Variants in ZNF512 observed in about 807,000 individuals in gnomAD.
ZNF512 encodes the protein zinc finger protein 512.
Under a neutral mutation model 77.5 loss-of-function variants are expected in ZNF512, and 25 were observed. That is an observed-to-expected ratio of 0.32 (90% CI 0.23 to 0.45). The LOEUF (loss-of-function observed/expected upper bound fraction) is 0.45. Ranked by LOEUF, ZNF512 falls within the 20% of genes least tolerant of loss-of-function variation. ZNF512 has a pLI of 1.00. For synonymous variants in ZNF512, 246 were observed against 239.9 expected (o/e 1.03, Z -0.24); for missense variants, 483 against 692.6 (o/e 0.70, Z 3.40).
chr2:27,615,059 GA>G (rs2148043083), intron 10 of ZNF512, 108 bp from the exon 11 acceptor site: 1 of 661,310 alleles, frequency 1.5e-6, no homozygotes, highest in Non-Finnish European at 2.6e-6. Flanking sequence ...TTGTGTACAA[GA>G]GTATAGATTT....
At chr2:27,610,463 T>C (rs577181621) in intron 10 of ZNF512, among the ~76,000 whole-genome samples, 3,576 of 86,264 alleles carry the variant, frequency 0.041, 181 homozygotes, top group African/African-American at 0.17. Context: ...AAATAGGTTA[T>C]ATATGTGTAT....
intron 9 of ZNF512, 127 bp downstream of exon 9, chr2:27,603,434 G>A: frequency 1.0e-6 from 1 of 969,676 alleles, no homozygotes. Context: ...ATGCTTGTGT[G>A]TTGTCTCTTC....
intron 13 of ZNF512, among the ~76,000 whole-genome samples, chr2:27,619,578 G>A (rs1673035564): frequency 6.6e-6 from 1 of 151,430 alleles, no homozygotes; most frequent in Non-Finnish European, 1.5e-5. Flanking sequence ...TTTTGTGGGT[G>A]GTAAAACATC....
Position 27,607,943 on chromosome 2 carries a change from A to G in ZNF512, c.1035A>G (p.Ile345Met), listed in dbSNP as rs775810452. Reference protein sequence around the residue: ...GGRVQRRSAKIAVYHLQELAS... With the variant: ...GGRVQRRSAKMAVYHLQELAS... ...GAGTTCAGAGACGTTCTGCCAAGAT[A>G]GCTGTATACCACCTACAGGAGCTGG... Residue 345 changes from isoleucine (I) to methionine (M), a missense_variant, in exon 10 of 14, where the codon ATA becomes ATG. Around this residue, in one of 2 missense-constraint regions of ZNF512, gnomAD observed 324 missense variants for 525.0 expected, o/e 0.62. Coordinates refer to ENST00000355467, the MANE Select transcript of ZNF512 (RefSeq NM_032434.4). 6.2e-7 allele frequency: 1 copy of G among 1,614,136 alleles called. No individual in the cohort carries two copies. The highest frequency in any genetic ancestry group is 1.7e-5 in the Admixed American group (1 of 60,016).
intron 9 of ZNF512, among the ~76,000 whole-genome samples, chr2:27,606,365 T>A (rs539041535): frequency 1.3e-5 from 2 of 152,046 alleles, no homozygotes; most frequent in African/African-American, 2.4e-5. Flanking sequence ...TAATTTTCTT[T>A]CTTTTTTTTT....
At chr2:27,595,717 T>C (rs1420959792) in intron 2 of ZNF512, among the ~76,000 whole-genome samples, 1 of 152,246 alleles carries the variant, frequency 6.6e-6, no homozygotes, top group Non-Finnish European at 1.5e-5. Context: ...GATGAGTTTT[T>C]ATTTCAGATG....
At chr2:27,615,409 C>T in intron 11 of ZNF512, 140 bp downstream of exon 11, 3 of 544,048 alleles carry the variant, frequency 5.5e-6, no homozygotes, top group African/African-American at 3.9e-5. Context: ...TTCCATAGAG[C>T]AATAATTCTG....
chr2:27,598,411 C>T (rs1671967176), intron 3 of ZNF512, among the ~76,000 whole-genome samples, 157 bp downstream of exon 3: 1 of 152,128 alleles, frequency 6.6e-6, no homozygotes, highest in African/African-American at 2.4e-5. Flanking sequence ...GGGCGGATCA[C>T]AAGGTCAGGA....
intron 9 of ZNF512, among the ~76,000 whole-genome samples, chr2:27,606,347 T>C (rs752025428): frequency 2.6e-5 from 4 of 152,060 alleles, no homozygotes; most frequent in Non-Finnish European, 4.4e-5. Context: ...TTTGCTTAAC[T>C]CAATGTATAA....
At chr2:27,589,196 T>G (rs1671466673) in intron 2 of ZNF512, among the ~76,000 whole-genome samples, 1 of 152,194 alleles carries the variant, frequency 6.6e-6, no homozygotes. Flanking sequence ...TGATCTTGTT[T>G]TAAACCTATT....
At chr2:27,585,045 G>A (rs1671269410) in intron 2 of ZNF512, among the ~76,000 whole-genome samples, 1 of 152,218 alleles carries the variant, frequency 6.6e-6, no homozygotes, top group Non-Finnish European at 1.5e-5. Flanking sequence ...GTAGCCTATG[G>A]TGGGAACAAT....
intron 2 of ZNF512, among the ~76,000 whole-genome samples, chr2:27,585,386 A>C (rs1000131716): frequency 6.6e-6 from 1 of 152,250 alleles, no homozygotes; most frequent in South Asian, 2.1e-4. Context: ...AATGTTTCTC[A>C]GTATGTACCT....
intron 2 of ZNF512, among the ~76,000 whole-genome samples, chr2:27,595,190 C>T (rs946224854): frequency 3.3e-5 from 5 of 152,082 alleles, no homozygotes; most frequent in African/African-American, 1.2e-4. Flanking sequence ...TCGCCTCTCC[C>T]TCTGGGATTA....
intron 10 of ZNF512, 70 bp from the exon 11 acceptor site, chr2:27,615,098 T>C: frequency 1.2e-6 from 1 of 855,346 alleles, no homozygotes; most frequent in Non-Finnish European, 1.9e-6. Context: ...AAGAGTTGGG[T>C]GTGAAACTTT....
At chr2:27,597,101 A>G (rs1409060040) in intron 2 of ZNF512, among the ~76,000 whole-genome samples, 3 of 152,340 alleles carry the variant, frequency 2.0e-5, no homozygotes, top group Middle Eastern at 3.4e-3. Flanking sequence ...GTAGGCATCT[A>G]TCACATTTTG....
chr2:27,619,806 A>C (rs1280343573), intron 13 of ZNF512, among the ~76,000 whole-genome samples: 2 of 152,286 alleles, frequency 1.3e-5, no homozygotes, highest in Admixed American at 6.5e-5. Flanking sequence ...ATTCCACATA[A>C]AATTTCAGCT....
At chr2:27,602,654 C>T in intron 8 of ZNF512, 93 bp downstream of exon 8, 1 of 1,047,056 alleles carries the variant, frequency 9.6e-7, no homozygotes. Flanking sequence ...TCATTGTAGA[C>T]TTCCTAGTTC....
chr2:27,618,024 C>T (rs1372052356), intron 13 of ZNF512, among the ~76,000 whole-genome samples: 11 of 150,892 alleles, frequency 7.3e-5, no homozygotes, highest in South Asian at 4.2e-4. Context: ...CTCCACCTCT[C>T]GGGTTCAAGC....
At chr2:27,584,114 C>CTGTA (rs1362571497) in intron 2 of ZNF512, among the ~76,000 whole-genome samples, 1 of 152,158 alleles carries the variant, frequency 6.6e-6, no homozygotes, top group African/African-American at 2.4e-5. Flanking sequence ...AAATAGCCAC[C>CTGTA]TGTAGCTCGT....
Sources: gnomAD v4.1 joint callset for allele counts (sites outside exome capture counted in the v4.1 genomes callset) on GRCh38, gnomAD v4.1.1 for gene constraint, gnomAD v4.1.1 regional missense constraint, MANE v1.5 for transcripts, NCBI Gene and HGNC (gene_info 2026-07-23, HGNC 2026-07-21) for gene names.